The following EPS8 variants were observed in gnomAD, a reference collection of about 807,000 sequenced individuals.
EPS8 encodes the protein epidermal growth factor receptor kinase substrate 8.
Under a neutral mutation model 103.8 loss-of-function variants are expected in EPS8, and 42 were observed. That is an observed-to-expected ratio of 0.40 (90% CI 0.32 to 0.52). The LOEUF is 0.52. Among genes scored for constraint, EPS8 ranks in the 20% least tolerant of loss-of-function variants. The pLI, the probability that EPS8 is intolerant of heterozygous loss-of-function variation, is 0.40. For synonymous variants in EPS8, 344 were observed against 344.6 expected (o/e 1.00, Z 0.02); for missense variants, 969 against 1,005.1 (o/e 0.96, Z 0.49).
chr12:15,715,310 C>T (rs1214451636), intron 1 of EPS8, among the ~76,000 whole-genome samples: 2 of 152,048 alleles, frequency 1.3e-5, no homozygotes, highest in African/African-American at 4.8e-5. Flanking sequence ...CAACATCCCC[C>T]TTGGCCCAAC....
chr12:15,640,338 G>A (rs1247124457), intron 17 of EPS8, among the ~76,000 whole-genome samples: 1 of 152,182 alleles, frequency 6.6e-6, no homozygotes. Context: ...ACACCATGCC[G>A]TGATATCAGT....
In EPS8 at chr12:15,702,073, C is replaced by T. The variant is rs1946318037; in HGVS notation, c.-21-19101G>A. On this transcript the variant is annotated intron_variant, in intron 1 of 20. Transcript: ENST00000281172. The surrounding 1 kb of genome is among the most constrained non-coding windows in gnomAD (Gnocchi z 5.1). ...ATTCTTAAGTAGTTTGTGAGTCAGG[C>T]TAAGCACCATGAGATAAACCACATT... 6.6e-6 allele frequency among the ~76,000 whole-genome samples: 1 copy of T among 152,202 alleles called. No individual in the cohort carries two copies. Among genetic ancestry groups the T allele is most frequent in the African/African-American group, 2.4e-5 (1 of 41,448 alleles).
In EPS8 at chr12:15,761,800, A is replaced by T; in HGVS notation, c.-22+27361T>A. 6.6e-6 allele frequency among the ~76,000 whole-genome samples: 1 copy of T among 152,200 alleles called. No homozygotes were observed. Among genetic ancestry groups the T allele is most frequent in the South Asian group, 2.1e-4 (1 of 4,832 alleles). On this transcript the variant is annotated intron_variant, in intron 1 of 20. Transcript: ENST00000281172. The surrounding 1 kb of genome is among the most constrained non-coding windows in gnomAD (Gnocchi z 4.5). ...AAAATCAAAGCTAAATAGATTAAAG[A>T]CTTCAATCTAAGACCTCAAACTATG...
intron 1 of EPS8, among the ~76,000 whole-genome samples, chr12:15,743,017 C>T (rs964656994): frequency 1.1e-4 from 17 of 152,260 alleles, no homozygotes; most frequent in African/African-American, 3.1e-4. Context: ...AAAACCCCAT[C>T]GTCTCAGCCC....
chr12:15,736,214 C>A lies in EPS8; in HGVS notation c.-22+52947G>T, dbSNP rs1035676842. Reference sequence around the variant, plus strand: ...GTTTGTGTTTTAAACCAAAAACTATCCTAGTATCATGTCACTTTAATGAAC... The same window carrying A: ...GTTTGTGTTTTAAACCAAAAACTATACTAGTATCATGTCACTTTAATGAAC... On this transcript the variant is annotated intron_variant, in intron 1 of 20. Transcript: ENST00000281172. This position sits in a 1 kb window ranked among gnomAD's most constrained non-coding sequence, Gnocchi z 4.2. 8.5e-5 allele frequency among the ~76,000 whole-genome samples: 13 copies of A among 152,132 alleles called. No homozygotes were observed. Among genetic ancestry groups the A allele is most frequent in the Admixed American group, 8.5e-4 (13 of 15,256 alleles).
At chr12:15,663,614 C>T (rs1479384628) in intron 8 of EPS8, among the ~76,000 whole-genome samples, 1 of 151,946 alleles carries the variant, frequency 6.6e-6, no homozygotes, top group Non-Finnish European at 1.5e-5. Context: ...GGGATAAATT[C>T]TGTCTTTGTT....
rs772393142 is a variant in EPS8, at chr12:15,621,326, G to A, written c.2460C>T (p.Ser820=). ...DSGVESFDEG[S]SH Reference sequence around the variant, plus strand: ...AATACAAACAAACAAATTAGTGACTGCTTCCTTCATCAAAAGATTCCACTC... The same window carrying A: ...AATACAAACAAACAAATTAGTGACTACTTCCTTCATCAAAAGATTCCACTC... Residue 820 remains serine (S), a synonymous_variant, in exon 21 of 21, where the codon AGC becomes AGT. Transcript: ENST00000281172. 1 of 1,560,700 alleles carries A rather than the reference G, an allele frequency of 6.4e-7. No homozygotes were observed. Among genetic ancestry groups the A allele is most frequent in the African/African-American group, 1.4e-5 (1 of 72,396 alleles).
intron 1 of EPS8, among the ~76,000 whole-genome samples, chr12:15,741,931 TC>T (rs1322439281): frequency 6.6e-6 from 1 of 152,200 alleles, no homozygotes; most frequent in Non-Finnish European, 1.5e-5. Flanking sequence ...TTCTCACTGT[TC>T]AGTTCCCACC....
chr12:15,709,364 G>A (rs1244753308), intron 1 of EPS8, among the ~76,000 whole-genome samples: 2 of 152,126 alleles, frequency 1.3e-5, no homozygotes, highest in African/African-American at 4.8e-5. Flanking sequence ...GCAGTGGTCA[G>A]TAAACCTTAA....
intron 1 of EPS8, among the ~76,000 whole-genome samples, chr12:15,782,861 A>G (rs1277437640): frequency 6.6e-6 from 1 of 152,124 alleles, no homozygotes; most frequent in Admixed American, 6.5e-5. Context: ...GTTGTGAGTA[A>G]CCGCTTAGTC....
chr12:15,703,535 G>A (rs568680953), intron 1 of EPS8, among the ~76,000 whole-genome samples: 2 of 152,182 alleles, frequency 1.3e-5, no homozygotes, highest in South Asian at 4.2e-4. Flanking sequence ...AGGGAATAGT[G>A]AGATATTCAG....
At position 15,737,527 on chromosome 12, in the gene EPS8, T is replaced by C. The variant is rs555360360; in HGVS notation, c.-22+51634A>G. On this transcript the variant is annotated intron_variant, in intron 1 of 20. Transcript: ENST00000281172. ...CTCTGCTCTAAGTGCCTAATGTATA[T>C]GAACTCATTTAATCCTCACAATGAC... is the stretch of plus-strand genomic sequence containing the variant. 1.9e-4 allele frequency among the ~76,000 whole-genome samples: 29 copies of C among 152,302 alleles called. No individual in the cohort carries two copies. The South Asian group carries it at 5.8e-3, about 30-fold the overall frequency.
chr12:15,719,894 C>T (rs912840360), intron 1 of EPS8, among the ~76,000 whole-genome samples: 2 of 152,190 alleles, frequency 1.3e-5, no homozygotes, highest in Non-Finnish European at 2.9e-5. Context: ...ACAGATTAAA[C>T]CAACTACGTC....
chr12:15,671,117 A>G (rs1013480712), intron 3 of EPS8, among the ~76,000 whole-genome samples, 194 bp from the exon 4 acceptor site: 2 of 152,140 alleles, frequency 1.3e-5, no homozygotes, highest in Non-Finnish European at 2.9e-5. Flanking sequence ...AGTCTAAATA[A>G]TAGGCAAGAA....
At position 15,641,769 on chromosome 12, in the gene EPS8, C is replaced by T; in HGVS notation, c.1630G>A (p.Ala544Thr). 6.2e-7 allele frequency: 1 copy of T among 1,601,640 alleles called. No individual in the cohort carries two copies. Reference protein sequence around the residue: ...KYAKSKYDFVARNNSELSVLK... With the variant: ...KYAKSKYDFVTRNNSELSVLK... ...ACCGAGAGCTCACTGTTGTTCCTTG[C>T]TACAAAGTCATACTTGGATTTGGCA... The change falls in exon 16 of 21, where the codon GCA becomes ACA. Residue 544 changes from alanine to threonine, a missense_variant. Coordinates refer to ENST00000281172, the MANE Select transcript of EPS8 (RefSeq NM_004447.6).
At chr12:15,653,036 T>C (rs1945441877) in intron 13 of EPS8, among the ~76,000 whole-genome samples, 2 of 152,224 alleles carry the variant, frequency 1.3e-5, no homozygotes, top group Admixed American at 1.3e-4. Context: ...CTTGCCTTGC[T>C]CAGCAAGCAT....
intron 1 of EPS8, among the ~76,000 whole-genome samples, chr12:15,718,388 GA>G: frequency 6.6e-6 from 1 of 152,232 alleles, no homozygotes; most frequent in East Asian, 1.9e-4. Context: ...GAAAAATTAT[GA>G]GTCACTATGA....
intron 13 of EPS8, among the ~76,000 whole-genome samples, chr12:15,652,449 T>C (rs1236126396): frequency 6.6e-6 from 1 of 152,174 alleles, no homozygotes; most frequent in African/African-American, 2.4e-5. Flanking sequence ...AAAATTCAAA[T>C]GTTCCTAGCA....
chr12:15,749,199 TA>T lies in EPS8; in HGVS notation c.-22+39961del, dbSNP rs1009737970. ...AGGGCCAATATAGGAAACAAGTAAT[TA>T]AAAAAAAATTTATTCTGGTTTCCAA... On this transcript the variant is annotated intron_variant, in intron 1 of 20. Coordinates refer to ENST00000281172, the MANE Select transcript of EPS8 (RefSeq NM_004447.6). This position sits in a 1 kb window ranked among gnomAD's most constrained non-coding sequence, Gnocchi z 4.0. Among the ~76,000 whole-genome samples the T allele has an allele frequency of 1.9e-4, 29 of 151,912 alleles. No individual in the cohort carries two copies. Among genetic ancestry groups the T allele is most frequent in the East Asian group, 1.2e-3 (6 of 5,176 alleles).
Sources: gnomAD v4.1 joint callset for allele counts (sites outside exome capture counted in the v4.1 genomes callset) on GRCh38, gnomAD v4.1.1 for gene constraint, Gnocchi (gnomAD v3.1) non-coding constraint, MANE v1.5 for transcripts, NCBI Gene and HGNC (gene_info 2026-07-23, HGNC 2026-07-21) for gene names.